ACBD6: variants seen among roughly 807,000 people sequenced by gnomAD.
ACBD6 encodes acyl-CoA binding domain containing 6.
In ACBD6, 28 loss-of-function variants were observed where a neutral mutation model predicts 37.2. The ratio of observed to expected loss-of-function variants is 0.75; its 90% CI spans 0.56 to 1.03. ACBD6 has a LOEUF of 1.03. Among genes scored for constraint, ACBD6 ranks in the 50% least tolerant of loss-of-function variants. ACBD6 has a pLI of 0.00. For synonymous variants in ACBD6, 113 were observed against 126.8 expected (o/e 0.89, Z 0.73); for missense variants, 340 against 337.4 (o/e 1.01, Z -0.06).
At chr1:180,451,204 A>G (rs150237535) in intron 3 of ACBD6, among the ~76,000 whole-genome samples, 1 of 152,350 alleles carries the variant, frequency 6.6e-6, no homozygotes, top group Non-Finnish European at 1.5e-5. Flanking sequence ...ACAACAAGAT[A>G]CCATTTCAGA....
At chr1:180,369,519 C>T (rs372959298) in intron 6 of ACBD6, among the ~76,000 whole-genome samples, 1 of 152,144 alleles carries the variant, frequency 6.6e-6, no homozygotes, top group Non-Finnish European at 1.5e-5. Flanking sequence ...AGATGATTAT[C>T]GTATACCTCA....
chr1:180,296,852 C>T (rs529185401), intron 7 of ACBD6, among the ~76,000 whole-genome samples: 108 of 152,044 alleles, frequency 7.1e-4, no homozygotes, highest in Non-Finnish European at 1.4e-3. Context: ...CTCAGCCAGG[C>T]GCAGTGGCTC....
chr1:180,471,681 G>A (rs1650574841), intron 3 of ACBD6, among the ~76,000 whole-genome samples: 1 of 152,044 alleles, frequency 6.6e-6, no homozygotes, highest in Non-Finnish European at 1.5e-5. Context: ...GCATGGGAGA[G>A]ACCAGCCCCC....
At position 180,293,144 on chromosome 1, in the gene ACBD6, G is replaced by A. The variant is rs1019293483; in HGVS notation, c.695-4627C>T. Among the ~76,000 whole-genome samples, 5 of 151,962 alleles carry A rather than the reference G, an allele frequency of 3.3e-5. No individual in the cohort carries two copies. The East Asian group carries it at 9.6e-4, about 29-fold the overall frequency. On this transcript the variant is annotated intron_variant, in intron 7 of 7. Transcript: ENST00000367595. ...TGCTAACATCTTATTAAACATTTTT[G>A]CATCTATGTTCATAAGGAATACTGG...
exon 14 of ACBD6, chr1:180,270,152 A>G (rs2149265260): frequency 6.6e-6 from 1 of 152,402 alleles, no homozygotes; most frequent in Non-Finnish European, 1.5e-5. Flanking sequence ...CACTGAAGCC[A>G]GGTCTGCTGA....
chr1:180,438,588 T>G (rs1401110398), intron 3 of ACBD6, among the ~76,000 whole-genome samples: 2 of 152,184 alleles, frequency 1.3e-5, no homozygotes, highest in Non-Finnish European at 2.9e-5. Context: ...TTTTTTCTTT[T>G]TTATTTAGAC....
At position 180,469,448 on chromosome 1, in the gene ACBD6, G is replaced by A. The variant is rs548357757; in HGVS notation, c.384+22821C>T. 8.5e-5 allele frequency among the ~76,000 whole-genome samples: 13 copies of A among 152,252 alleles called. 1 individual carries two copies. The South Asian group carries it at 2.7e-3, about 32-fold the overall frequency. ...AAGAAGGATACTCTATAGTGAGCCTGAAAACAATATAGTAATTCTACAGAG... is the reference window on the plus strand; with the variant it reads ...AAGAAGGATACTCTATAGTGAGCCTAAAAACAATATAGTAATTCTACAGAG... On this transcript the variant is annotated intron_variant, in intron 3 of 7. Coordinates refer to ENST00000367595, the MANE Select transcript of ACBD6 (RefSeq NM_032360.4).
downstream of ACBD6, among the ~76,000 whole-genome samples, chr1:180,287,773 G>A (rs1571318611): frequency 6.6e-6 from 1 of 152,060 alleles, no homozygotes; most frequent in Admixed American, 6.5e-5. Flanking sequence ...ATTCTAAAAT[G>A]CCCCAGGGTT....
At chr1:180,339,612 C>T (rs571824089) in intron 6 of ACBD6, among the ~76,000 whole-genome samples, 84 of 152,166 alleles carry the variant, frequency 5.5e-4, no homozygotes, top group Middle Eastern at 3.4e-3. Flanking sequence ...AGCACACCAA[C>T]ATGGCACATG....
In ACBD6 at chr1:180,334,086, C is replaced by T. The variant is rs539095309; in HGVS notation, c.664-19364G>A. Reference sequence around the variant, plus strand: ...CCTGCCTCTGTAGACTCCACCTCTGCGGGCAGGGCATAGTCAAACAAAAGG... The same window carrying T: ...CCTGCCTCTGTAGACTCCACCTCTGTGGGCAGGGCATAGTCAAACAAAAGG... On this transcript the variant is annotated intron_variant, in intron 6 of 7. Transcript: ENST00000367595. Among the ~76,000 whole-genome samples, 10 of 152,316 alleles carry T rather than the reference C, an allele frequency of 6.6e-5. No homozygotes were observed. The East Asian group carries it at 7.7e-4, about 12-fold the overall frequency.
intron 6 of ACBD6, among the ~76,000 whole-genome samples, chr1:180,322,748 T>C (rs375806196): frequency 6.6e-6 from 1 of 151,800 alleles, no homozygotes; most frequent in South Asian, 2.1e-4. Context: ...TCTCTTTTTT[T>C]TTTTTAGTCT....
chr1:180,270,709 A>G (rs1410162588), exon 14 of ACBD6: 1 of 158,044 alleles, frequency 6.3e-6, no homozygotes, highest in East Asian at 1.9e-4. Context: ...CAGTACACAT[A>G]TTTATACAAT....
chr1:180,274,521 C>T (rs1439530988), intron 10 of ACBD6: 1 of 1,607,524 alleles, frequency 6.2e-7, no homozygotes, highest in South Asian at 1.1e-5. Context: ...GTAGGCTATC[C>T]CGACTTTCCA....
At chr1:180,279,378 C>T (rs950932869) in intron 9 of ACBD6, among the ~76,000 whole-genome samples, 1 of 152,118 alleles carries the variant, frequency 6.6e-6, no homozygotes, top group Non-Finnish European at 1.5e-5. Context: ...CTCACTGCAA[C>T]CTCTGCTTCC....
At chr1:180,453,715 C>T (rs555979437) in intron 3 of ACBD6, among the ~76,000 whole-genome samples, 3 of 152,276 alleles carry the variant, frequency 2.0e-5, no homozygotes, top group African/African-American at 7.2e-5. Context: ...GATACAAAAT[C>T]AATGTGCAAA....
At chr1:180,397,686 G>A (rs1183312287) in intron 5 of ACBD6, 81 bp from the exon 6 acceptor site, 13 of 1,201,632 alleles carry the variant, frequency 1.1e-5, no homozygotes, top group African/African-American at 1.5e-5. Flanking sequence ...GAAAGACAAG[G>A]AAATATAAAA....
intron 7 of ACBD6, among the ~76,000 whole-genome samples, chr1:180,293,765 A>G (rs545624880): frequency 1.1e-4 from 17 of 152,240 alleles, no homozygotes; most frequent in Admixed American, 9.8e-4. Flanking sequence ...AGATGGAGTC[A>G]GGCTATGTTG....
chr1:180,425,895 AT>A (rs1218044367), intron 4 of ACBD6, among the ~76,000 whole-genome samples: 1 of 152,210 alleles, frequency 6.6e-6, no homozygotes, highest in African/African-American at 2.4e-5. Flanking sequence ...TTTCATTCTA[AT>A]TTTTTATACT....
At chr1:180,309,296 C>T (rs1053336437) in intron 7 of ACBD6, among the ~76,000 whole-genome samples, 2 of 152,168 alleles carry the variant, frequency 1.3e-5, no homozygotes, top group Non-Finnish European at 2.9e-5. Context: ...GTCAGAAATG[C>T]TTTTTGAAAA....
Sources: allele counts gnomAD v4.1 joint callset (sites outside exome capture counted in the v4.1 genomes callset), GRCh38; gene constraint gnomAD v4.1.1; transcripts MANE v1.5; gene names NCBI Gene and HGNC (gene_info 2026-07-23, HGNC 2026-07-21).